The following FAM185A variants were observed in gnomAD, a reference collection of about 807,000 sequenced individuals.
The protein encoded by FAM185A is family with sequence similarity 185 member A, also known as protein FAM185A.
A neutral mutation model predicts 45.7 loss-of-function variants in FAM185A; 21 were observed. That is an observed-to-expected ratio of 0.46 (90% confidence interval 0.33 to 0.66). The LOEUF is 0.66. Among genes scored for constraint, FAM185A ranks in the 30% least tolerant of loss-of-function variants. The pLI is 0.03. For synonymous variants in FAM185A, 117 were observed against 194.0 expected, an observed-to-expected ratio of 0.60 and a Z score of 3.30; for missense variants, 305 against 485.4, an observed-to-expected ratio of 0.63 and a Z score of 3.49.
intron 4 of FAM185A, among the ~76,000 whole-genome samples, chr7:102,767,442 C>T (rs545767391): frequency 1.2e-3 from 186 of 152,264 alleles, no homozygotes; most frequent in African/African-American, 4.4e-3. Flanking sequence ...TTTAGCAGTA[C>T]TTTTATGGAA....
At chr7:102,834,956 TTTTA>T in the FAM185A span, among the ~76,000 whole-genome samples, 2 of 151,890 alleles carry the variant, frequency 1.3e-5, no homozygotes, top group African/African-American at 4.8e-5. Context: ...TATATACAAT[TTTTA>T]TTTGTCAGTT....
chr7:102,834,104 A>AAGAG, the FAM185A span, among the ~76,000 whole-genome samples: 3 of 110,520 alleles, frequency 2.7e-5, no homozygotes, highest in Non-Finnish European at 5.3e-5. Context: ...GAAAGAAAGA[A>AAGAG]AGAAAGAAAG....
At chr7:102,810,969 CAG>C (rs1562885676), downstream of FAM185A, among the ~76,000 whole-genome samples, 1 of 152,142 alleles carries the variant, frequency 6.6e-6, no homozygotes, top group Non-Finnish European at 1.5e-5. Flanking sequence ...TAGGATATCT[CAG>C]AGTCTCCTTT....
At chr7:102,840,708 AAGGGAGGCTACC>A in the FAM185A span, among the ~76,000 whole-genome samples, 1 of 152,178 alleles carries the variant, frequency 6.6e-6, no homozygotes, top group Non-Finnish European at 1.5e-5. Flanking sequence ...TGATCTAATC[AAGGGAGGCTACC>A]AGTCTAGTGG....
intron 2 of FAM185A, among the ~76,000 whole-genome samples, chr7:102,754,391 G>A (rs1184172446): frequency 6.6e-6 from 1 of 152,200 alleles, no homozygotes; most frequent in African/African-American, 2.4e-5. Flanking sequence ...TGTTGGCCAG[G>A]CTTGTCTTGA....
At chr7:102,811,446 C>G (rs374620875), downstream of FAM185A, among the ~76,000 whole-genome samples, 4 of 152,174 alleles carry the variant, frequency 2.6e-5, no homozygotes, top group African/African-American at 7.2e-5. Flanking sequence ...CTCACTTTTT[C>G]TACTCCTTTT....
At chr7:102,814,040 TG>T (rs1426796712), downstream of FAM185A, among the ~76,000 whole-genome samples, 1 of 152,180 alleles carries the variant, frequency 6.6e-6, no homozygotes, top group Non-Finnish European at 1.5e-5. Flanking sequence ...TGAGAAGGTT[TG>T]TGACTCAAAG....
chr7:102,789,667 C>T (rs1434066472), intron 7 of FAM185A, among the ~76,000 whole-genome samples: 1 of 152,280 alleles, frequency 6.6e-6, no homozygotes, highest in Non-Finnish European at 1.5e-5. Context: ...CAAGATCGCG[C>T]CACTGCCCTC....
the FAM185A span, among the ~76,000 whole-genome samples, chr7:102,837,186 G>A: frequency 6.6e-6 from 1 of 152,220 alleles, no homozygotes; most frequent in Admixed American, 6.5e-5. Context: ...CTGGGCATCA[G>A]AGCAAGTGGG....
At chr7:102,848,908 G>A in the FAM185A span, among the ~76,000 whole-genome samples, 1 of 152,104 alleles carries the variant, frequency 6.6e-6, no homozygotes, top group African/African-American at 2.4e-5. Flanking sequence ...GCTGAGGCAG[G>A]GGAATCACTT....
intron 7 of FAM185A, among the ~76,000 whole-genome samples, chr7:102,804,574 A>C (rs368141644): frequency 6.6e-6 from 1 of 152,310 alleles, no homozygotes; most frequent in Non-Finnish European, 1.5e-5. Context: ...TGAAACTGTA[A>C]AAATTCTAGA....
At chr7:102,759,449 C>T (rs1323301385) in intron 3 of FAM185A, among the ~76,000 whole-genome samples, 3 of 151,880 alleles carry the variant, frequency 2.0e-5, no homozygotes, top group African/African-American at 7.2e-5. Context: ...ATTTTTATTA[C>T]ATATAGTATT....
chr7:102,832,184 C>T, the FAM185A span, among the ~76,000 whole-genome samples: 4 of 152,260 alleles, frequency 2.6e-5, no homozygotes, highest in African/African-American at 9.6e-5. Flanking sequence ...ATAATGAGTA[C>T]TTACTTCATT....
At chr7:102,769,710 A>G (rs1318806012) in intron 4 of FAM185A, among the ~76,000 whole-genome samples, 1 of 152,100 alleles carries the variant, frequency 6.6e-6, no homozygotes, top group East Asian at 1.9e-4. Flanking sequence ...CTGGAGGCTG[A>G]GAAGTCTGAG....
Position 102,772,422 on chromosome 7 carries a change from A to C in FAM185A, c.807A>C (p.Leu269Phe). Residue 269 changes from leucine to phenylalanine, a missense_variant, in exon 5 of 8, where the codon TTA (leucine) becomes TTC (phenylalanine). Leu to Phe is a conservative substitution (Grantham distance 22, BLOSUM62 0). Around this residue, in one of 5 missense-constraint regions of FAM185A, gnomAD observed 44 missense variants for 66.8 expected, o/e 0.66. Transcript: ENST00000413034. ...TLGSVHGNIT[L>F]QSKMGNITVD... ...TCTTTTTGGCAGGTAATATAACATT[A>C]CAAAGCAAGATGGGTAACATCACAG... 6.5e-7 allele frequency: 1 copy of C among 1,544,420 alleles called. No individual in the cohort carries two copies. Among genetic ancestry groups the C allele is most frequent in the Non-Finnish European group, 8.7e-7 (1 of 1,144,112 alleles).
chr7:102,828,112 C>G, the FAM185A span, among the ~76,000 whole-genome samples: 1 of 152,136 alleles, frequency 6.6e-6, no homozygotes, highest in Non-Finnish European at 1.5e-5. Flanking sequence ...ATTTCCAATT[C>G]TGTGAAGAAA....
chr7:102,759,899 T>C (rs1794005459), intron 3 of FAM185A, among the ~76,000 whole-genome samples: 1 of 152,132 alleles, frequency 6.6e-6, no homozygotes, highest in African/African-American at 2.4e-5. Context: ...GTTCTAGACC[T>C]ACCAGTTAGC....
chr7:102,796,822 A>C (rs1000704576), intron 7 of FAM185A, among the ~76,000 whole-genome samples: 1 of 152,196 alleles, frequency 6.6e-6, no homozygotes, highest in Non-Finnish European at 1.5e-5. Flanking sequence ...TTGTTCGAAC[A>C]CTTAAGACAT....
At chr7:102,756,677 T>C (rs1159899375) in intron 2 of FAM185A, among the ~76,000 whole-genome samples, 1 of 147,838 alleles carries the variant, frequency 6.8e-6, no homozygotes, top group African/African-American at 2.5e-5. Context: ...CAAAAAACAA[T>C]AGACCAAACA....
Sources: allele counts gnomAD v4.1 joint callset (sites outside exome capture counted in the v4.1 genomes callset), GRCh38; gene constraint gnomAD v4.1.1; regional missense constraint gnomAD v4.1.1; transcripts MANE v1.5; gene names NCBI Gene and HGNC (gene_info 2026-07-23, HGNC 2026-07-21).